The following AKAP12 variants were observed in gnomAD, a reference collection of about 807,000 sequenced individuals.
The protein encoded by AKAP12 is A-kinase anchor protein 12.
AKAP12 carries 32 observed loss-of-function variants against 79.9 expected under a neutral mutation model. The ratio of observed to expected loss-of-function variants is 0.40; its 90% confidence interval spans 0.30 to 0.54. The LOEUF is 0.54. AKAP12 is among the 20% of genes least tolerant of loss of function. The pLI is 0.48. For missense variants in AKAP12, 2,074 were observed against 2,177.0 expected (o/e 0.95, Z 0.94); for synonymous variants, 808 against 857.0 (o/e 0.94, Z 1.00).
At position 151,302,137 on chromosome 6, in the gene AKAP12, A is replaced by G. The variant is rs148961031; in HGVS notation, c.163-3610A>G. On this transcript the variant is annotated intron_variant, in intron 2 of 4. Transcript: ENST00000402676. ...GTGATTCTCCTGCCTCAGCTTCCCT[A>G]GTAGCTGGGATTATAGGCGCACACC... Among the ~76,000 whole-genome samples, 80 of 150,770 alleles carry G rather than the reference A, an allele frequency of 5.3e-4. 1 individual carries two copies. In the East Asian group the frequency reaches 0.014, roughly 27 times the overall value.
intron 3 of AKAP12, among the ~76,000 whole-genome samples, chr6:151,345,280 T>C (rs879302908): frequency 5.3e-5 from 8 of 151,210 alleles, no homozygotes; most frequent in Non-Finnish European, 8.9e-5. Flanking sequence ...TTTCACCGTG[T>C]TAGCCAGGAT....
At chr6:151,329,273 G>A (rs1310487179) in intron 3 of AKAP12, among the ~76,000 whole-genome samples, 1 of 151,968 alleles carries the variant, frequency 6.6e-6, no homozygotes, top group African/African-American at 2.4e-5. Flanking sequence ...CTGCCACCAC[G>A]CCCCGCTAAT....
intron 2 of AKAP12, among the ~76,000 whole-genome samples, chr6:151,265,214 CTTTT>C (rs11308850): frequency 7.0e-6 from 1 of 142,412 alleles, no homozygotes; most frequent in Non-Finnish European, 1.5e-5. Flanking sequence ...AATCAAGCCT[CTTTT>C]TTTTTTTTTT....
intron 3 of AKAP12, among the ~76,000 whole-genome samples, chr6:151,335,715 C>A (rs982952293): frequency 1.3e-5 from 2 of 152,148 alleles, no homozygotes; most frequent in Non-Finnish European, 1.5e-5. Flanking sequence ...CAAAGCGATC[C>A]TCCTGCCTCG....
chr6:151,295,815 A>G lies in AKAP12; in HGVS notation c.163-9932A>G, dbSNP rs148587984. ...AATAAAGACCTGCAGGATAAAGTGC[A>G]GTAGGACACGTGGGGTTCAGACAGC... is the stretch of plus-strand genomic sequence containing the variant. On this transcript the variant is annotated intron_variant, in intron 2 of 4. Coordinates refer to ENST00000402676, the MANE Select transcript of AKAP12 (RefSeq NM_005100.4). 1.2e-3 allele frequency among the ~76,000 whole-genome samples: 182 copies of G among 152,332 alleles called. 1 individual carries two copies. The highest frequency in any genetic ancestry group is 4.1e-3 in the African/African-American group (171 of 41,582).
rs536543980 is a variant in AKAP12, at chr6:151,284,371, A to G, written c.163-21376A>G. 2.0e-5 allele frequency among the ~76,000 whole-genome samples: 3 copies of G among 152,258 alleles called. No individual in the cohort carries two copies. The East Asian group carries it at 5.8e-4, about 29-fold the overall frequency. ...CTGGGTGTGGTGGCTAACACCTGTA[A>G]TCCCGGCACTTTGGGAAGCCGAGGT... On this transcript the variant is annotated intron_variant, in intron 2 of 4. Transcript: ENST00000402676.
chr6:151,274,325 T>A (rs1298506817), intron 2 of AKAP12, among the ~76,000 whole-genome samples: 4 of 152,156 alleles, frequency 2.6e-5, no homozygotes, highest in African/African-American at 9.6e-5. Flanking sequence ...GCAATCCACC[T>A]GCCTTGGTCT....
At chr6:151,261,215 C>T (rs1466351938) in intron 2 of AKAP12, among the ~76,000 whole-genome samples, 1 of 151,136 alleles carries the variant, frequency 6.6e-6, no homozygotes, top group African/African-American at 2.4e-5. Flanking sequence ...TGGCGAAACC[C>T]CATCTCTACT....
chr6:151,322,693 G>A (rs1246236781), intron 3 of AKAP12, among the ~76,000 whole-genome samples: 3 of 149,980 alleles, frequency 2.0e-5, no homozygotes, highest in East Asian at 1.9e-4. Context: ...GCCCACTCCC[G>A]CCACTGGGCG....
intron 3 of AKAP12, among the ~76,000 whole-genome samples, chr6:151,340,391 C>T (rs1777917308): frequency 6.6e-6 from 1 of 152,126 alleles, no homozygotes; most frequent in Non-Finnish European, 1.5e-5. Context: ...TTTGTGTGGA[C>T]ATAAATTTTC....
chr6:151,288,982 A>G (rs1392660726), intron 2 of AKAP12, among the ~76,000 whole-genome samples: 1 of 152,248 alleles, frequency 6.6e-6, no homozygotes, highest in Non-Finnish European at 1.5e-5. Flanking sequence ...AGAATGGAAA[A>G]TGCACTTGTG....
rs1401892970 is a variant in AKAP12 at position 151,351,072 on chromosome 6, C to T, written c.2681C>T (p.Ala894Val). The T allele has an allele frequency of 3.7e-6, 6 of 1,614,176 alleles. No homozygotes were observed. The highest frequency in any genetic ancestry group is 3.3e-5 in the Admixed American group (2 of 60,026). Residue 894 changes from alanine (A) to valine (V), a missense_variant, in exon 4 of 5, where the codon GCA (alanine) becomes GTA (valine). Physicochemically the swap from Ala to Val is moderately conservative, Grantham distance 64. This residue lies in a region of AKAP12 where 1,428 missense variants were observed against 1,451.0 expected (regional missense o/e 0.98). Transcript: ENST00000402676. The surrounding 1 kb of genome is among the most constrained non-coding windows in gnomAD (Gnocchi z 4.4). ...GAGAGTCAGGTTCATATGATGGCAG[C>T]AGCTGTCGCTGACGGGACGAGGGCA... The part of the protein sequence containing the change: ...LSESQVHMMA[A>V]AVADGTRAAT...
At chr6:151,323,321 C>T (rs927280045) in intron 3 of AKAP12, among the ~76,000 whole-genome samples, 53 of 152,288 alleles carry the variant, frequency 3.5e-4, no homozygotes, top group Middle Eastern at 3.4e-3. Flanking sequence ...GAGGCCGAGG[C>T]GGGTGGATCA....
At chr6:151,316,479 G>A (rs1262992495) in intron 3 of AKAP12, among the ~76,000 whole-genome samples, 3 of 152,172 alleles carry the variant, frequency 2.0e-5, no homozygotes, top group African/African-American at 7.2e-5. Flanking sequence ...CAGTTCTGGA[G>A]GCTGGAGGTC....
intron 3 of AKAP12, among the ~76,000 whole-genome samples, chr6:151,311,477 C>T (rs1933083): frequency 0.45 from 68,612 of 151,946 alleles, 16,614 homozygotes; most frequent in African/African-American, 0.63. Context: ...GGTGTGTGCA[C>T]GTGGACCGCC....
intron 2 of AKAP12, among the ~76,000 whole-genome samples, chr6:151,241,597 G>A (rs1347726022): frequency 6.6e-6 from 1 of 152,188 alleles, no homozygotes; most frequent in East Asian, 1.9e-4. Flanking sequence ...CAGCCGCCAA[G>A]ACTGTGGCTT....
intron 2 of AKAP12, among the ~76,000 whole-genome samples, chr6:151,302,309 G>A (rs1776880020): frequency 6.6e-6 from 1 of 152,008 alleles, no homozygotes; most frequent in Admixed American, 6.6e-5. Flanking sequence ...TGCGCCTGGT[G>A]TAACATCTCT....
At chr6:151,254,517 A>G (rs904811440) in intron 2 of AKAP12, among the ~76,000 whole-genome samples, 14 of 152,112 alleles carry the variant, frequency 9.2e-5, no homozygotes, top group African/African-American at 3.4e-4. Context: ...ACACTCGGCT[A>G]ATTTTGTATT....
At chr6:151,251,808 C>T (rs1036829988) in intron 2 of AKAP12, among the ~76,000 whole-genome samples, 19 of 152,132 alleles carry the variant, frequency 1.2e-4, no homozygotes, top group African/African-American at 4.1e-4. Flanking sequence ...ATTAGCCTGG[C>T]CAACATGGTG....
Sources: gnomAD v4.1 joint callset for allele counts (sites outside exome capture counted in the v4.1 genomes callset) on GRCh38, gnomAD v4.1.1 for gene constraint, gnomAD v4.1.1 regional missense constraint, Gnocchi (gnomAD v3.1) non-coding constraint, MANE v1.5 for transcripts, NCBI Gene and HGNC (gene_info 2026-07-23, HGNC 2026-07-21) for gene names.